Variants in NECAB2 observed in about 807,000 individuals in gnomAD.
NECAB2 encodes the protein N-terminal EF-hand calcium-binding protein 2.
A neutral mutation model predicts 51.9 loss-of-function variants in NECAB2; 68 were observed. The ratio of observed to expected loss-of-function variants is 1.31; its 90% CI spans 1.08 to 1.60. NECAB2 has a LOEUF of 1.60. NECAB2 is among the 40% of genes most tolerant of loss of function. The pLI is 0.00. For missense variants in NECAB2, 854 were observed against 490.3 expected, an observed-to-expected ratio of 1.74 and a Z score of -7.00; for synonymous variants, 329 against 203.5, an observed-to-expected ratio of 1.62 and a Z score of -5.25.
In NECAB2 at chr16:83,998,303, G is replaced by C. The variant is rs139083239; in HGVS notation, c.948G>C (p.Val316=). Residue 316 remains valine, a synonymous_variant, in exon 10 of 13, where the codon GTG becomes GTC. Transcript: ENST00000305202. ...AGTATCTGCGGGGGACCACTGGCGT[G>C]AGGAACTGCTTCCAGTGAGTGAGCT... is the stretch of plus-strand genomic sequence containing the variant. ...LRQYLRGTTG[V]RNCFHITAVR... is the part of the protein sequence containing the mutation. 3.1e-6 allele frequency: 5 copies of C among 1,613,530 alleles called. No individual in the cohort carries two copies. The highest frequency in any genetic ancestry group is 3.3e-5 in the Admixed American group (2 of 60,014).
intron 2 of NECAB2, among the ~76,000 whole-genome samples, chr16:83,973,060 C>T (rs746160148): frequency 4.6e-5 from 7 of 152,290 alleles, no homozygotes; most frequent in East Asian, 1.9e-4. Context: ...GCCAGAGAGG[C>T]GGTGTGGGTG....
chr16:83,980,018 C>T (rs1293375501), intron 3 of NECAB2, among the ~76,000 whole-genome samples: 1 of 152,210 alleles, frequency 6.6e-6, no homozygotes, highest in African/African-American at 2.4e-5. Flanking sequence ...CCTGACAGAG[C>T]ATGCAGAGCC....
chr16:84,001,795 CCCTGACTCACA>C lies in NECAB2; in HGVS notation c.1041-28_1041-18del. ...ACACGCGGAGCTCCACTCCTGCCAC[CCCTGACTCACA>C]CATGTCCCTGCGTCACAGGCACCTG... On this transcript the variant is annotated intron_variant, in intron 11 of 12. Transcript: ENST00000305202. 1 of 1,612,642 alleles carries C rather than the reference CCCTGACTCACA, an allele frequency of 6.2e-7. No homozygotes were observed. The highest frequency in any genetic ancestry group is 8.5e-7 in the Non-Finnish European group (1 of 1,178,804).
At chr16:83,994,956 C>T (rs373160834) in intron 8 of NECAB2, among the ~76,000 whole-genome samples, 64 of 152,266 alleles carry the variant, frequency 4.2e-4, no homozygotes, top group African/African-American at 1.5e-3. Flanking sequence ...GGAGCAGCTC[C>T]AGGAGCAGAG....
At chr16:83,989,015 G>A (rs937063215) in intron 5 of NECAB2, among the ~76,000 whole-genome samples, 1 of 152,182 alleles carries the variant, frequency 6.6e-6, no homozygotes, top group Non-Finnish European at 1.5e-5. Context: ...CAGCTAACCA[G>A]TAACACTTAT....
intron 10 of NECAB2, among the ~76,000 whole-genome samples, chr16:84,000,478 A>C (rs1995867): frequency 6.6e-6 from 1 of 151,982 alleles, no homozygotes; most frequent in Non-Finnish European, 1.5e-5. Flanking sequence ...GTGAGACCCT[A>C]TCTCAAAAGA....
rs571160101 is a variant in NECAB2 at position 83,992,950 on chromosome 16, C to T, written c.597-1352C>T. ...CCGCAGAACAGATAGTATGGCTGCG[C>T]AGTTTTCAGGGCAGACTTCCCACAC... On this transcript the variant is annotated intron_variant, in intron 6 of 12. Coordinates refer to ENST00000305202, the MANE Select transcript of NECAB2 (RefSeq NM_019065.3). Among the ~76,000 whole-genome samples, 34 of 152,312 alleles carry T rather than the reference C, an allele frequency of 2.2e-4. 1 individual carries two copies. The highest frequency in any genetic ancestry group is 8.2e-4 in the African/African-American group (34 of 41,552).
intron 5 of NECAB2, among the ~76,000 whole-genome samples, chr16:83,988,935 G>C (rs999800190): frequency 1.3e-5 from 2 of 152,188 alleles, no homozygotes; most frequent in Admixed American, 6.5e-5. Flanking sequence ...CTGCTTTTCA[G>C]TTGTGGAGGA....
intron 5 of NECAB2, among the ~76,000 whole-genome samples, chr16:83,981,817 T>G (rs1444567354): frequency 6.6e-6 from 1 of 152,046 alleles, no homozygotes; most frequent in Non-Finnish European, 1.5e-5. Flanking sequence ...AGGCCCACGG[T>G]GAGGGAACTG....
intron 5 of NECAB2, among the ~76,000 whole-genome samples, chr16:83,988,618 C>G (rs777911756): frequency 1.3e-5 from 2 of 152,184 alleles, no homozygotes; most frequent in Non-Finnish European, 2.9e-5. Context: ...GAAGAACTCT[C>G]TCTAATTCAA....
intron 8 of NECAB2, among the ~76,000 whole-genome samples, chr16:83,996,452 C>A (rs937529734): frequency 6.6e-6 from 1 of 152,162 alleles, no homozygotes. Context: ...TGCTGTTTTC[C>A]TTATTAGCTG....
intron 9 of NECAB2, among the ~76,000 whole-genome samples, chr16:83,997,925 C>G (rs564484217): frequency 6.6e-6 from 1 of 152,248 alleles, no homozygotes; most frequent in South Asian, 2.1e-4. Context: ...TCTCCAGGCC[C>G]TGGAGGCTGT....
upstream of NECAB2, chr16:83,965,264 G>A: frequency 6.2e-7 from 1 of 1,609,096 alleles, no homozygotes; most frequent in Non-Finnish European, 8.5e-7. Context: ...CAGGAACCAG[G>A]CCCAGCAGCC....
intron 6 of NECAB2, among the ~76,000 whole-genome samples, chr16:83,992,429 C>G (rs2084638717): frequency 6.9e-6 from 1 of 145,366 alleles, no homozygotes; most frequent in East Asian, 2.0e-4. Context: ...CCCTTCTTTG[C>G]TCAGTTCTTC....
chr16:83,982,538 T>C (rs1016072222), intron 5 of NECAB2, among the ~76,000 whole-genome samples: 26 of 152,296 alleles, frequency 1.7e-4, no homozygotes, highest in Non-Finnish European at 3.5e-4. Flanking sequence ...GAGGTCACCA[T>C]GTGCTCACAG....
chr16:83,997,529 C>T (rs2084729147), intron 9 of NECAB2, among the ~76,000 whole-genome samples: 3 of 137,694 alleles, frequency 2.2e-5, no homozygotes, highest in African/African-American at 5.4e-5. Flanking sequence ...GCTGTATCTC[C>T]CAGGCTGGAG....
At chr16:84,000,851 G>A (rs747270503) in intron 11 of NECAB2, 50 bp downstream of exon 11, 21 of 1,581,094 alleles carry the variant, frequency 1.3e-5, no homozygotes, top group Non-Finnish European at 1.7e-5. Context: ...GGGAAGTGGG[G>A]GGGCTGTCTT....
At chr16:83,994,526 G>A (rs2084669964) in intron 7 of NECAB2, 83 bp from the exon 8 acceptor site, 1 of 1,597,000 alleles carries the variant, frequency 6.3e-7, no homozygotes, top group Non-Finnish European at 8.6e-7. Flanking sequence ...GATGCCCCTG[G>A]AGGGGCTGGA....
intron 2 of NECAB2, among the ~76,000 whole-genome samples, chr16:83,974,527 C>T (rs2084383793): frequency 1.3e-5 from 2 of 152,192 alleles, no homozygotes; most frequent in African/African-American, 4.8e-5. Flanking sequence ...CCAGCAGTCA[C>T]TGAACGTCTG....
Sources: allele counts gnomAD v4.1 joint callset (sites outside exome capture counted in the v4.1 genomes callset), GRCh38; gene constraint gnomAD v4.1.1; transcripts MANE v1.5; gene names NCBI Gene and HGNC (gene_info 2026-07-23, HGNC 2026-07-21).